Variants in TFB1M observed in about 807,000 individuals in gnomAD.
TFB1M encodes the protein dimethyladenosine transferase 1, mitochondrial.
In TFB1M, 27 loss-of-function variants were observed where a neutral mutation model predicts 31.1. The observed-to-expected ratio is 0.87, with a 90% CI of 0.64 to 1.20. The LOEUF (loss-of-function observed/expected upper bound fraction) is 1.20, where lower values mean the gene tolerates loss of function less well. TFB1M is among the 50% of genes most tolerant of loss of function. TFB1M has a pLI of 0.00. For synonymous variants in TFB1M, 166 were observed against 151.8 expected (o/e 1.09, Z -0.69); for missense variants, 394 against 418.7 (o/e 0.94, Z 0.51).
chr6:155,281,721 C>CAAAAAAAAAAA (rs1217317032), intron 5 of TFB1M, among the ~76,000 whole-genome samples: 1 of 63,236 alleles, frequency 1.6e-5, no homozygotes, highest in Non-Finnish European at 2.9e-5. Flanking sequence ...GACTCTGTCT[C>CAAAAAAAAAAA]AAAAAAAAAA....
intron 5 of TFB1M, among the ~76,000 whole-genome samples, chr6:155,275,335 G>A (rs561593394): frequency 5.3e-5 from 8 of 152,220 alleles, no homozygotes; most frequent in East Asian, 1.9e-4. Flanking sequence ...TCCTAACAAC[G>A]TACATGTCCA....
At chr6:155,306,173 G>C (rs924830880) in intron 2 of TFB1M, among the ~76,000 whole-genome samples, 2 of 152,112 alleles carry the variant, frequency 1.3e-5, no homozygotes, top group Non-Finnish European at 2.9e-5. Flanking sequence ...TCACTAGGAT[G>C]GCTAAAATTA....
At chr6:155,248,161 G>A in the TFB1M span, 33 of 1,613,750 alleles carry the variant, frequency 2.0e-5, no homozygotes, top group African/African-American at 4.0e-5. Flanking sequence ...GGAGAGCGAG[G>A]AGCACTACCA....
At chr6:155,263,042 C>T (rs970484307) in intron 5 of TFB1M, among the ~76,000 whole-genome samples, 1 of 152,128 alleles carries the variant, frequency 6.6e-6, no homozygotes, top group Non-Finnish European at 1.5e-5. Context: ...AACTCAGCGT[C>T]AACAAAGCTC....
chr6:155,251,997 G>A, downstream of TFB1M: 1 of 1,604,906 alleles, frequency 6.2e-7, no homozygotes, highest in South Asian at 1.1e-5. Flanking sequence ...AACTGAAAAA[G>A]AAATTGGTAA....
intron 4 of TFB1M, among the ~76,000 whole-genome samples, chr6:155,294,773 T>C (rs945855301): frequency 1.3e-5 from 2 of 152,202 alleles, no homozygotes; most frequent in Non-Finnish European, 2.9e-5. Context: ...TGGTGAAGAT[T>C]TGCAGTTCCA....
At chr6:155,254,258 C>A, downstream of TFB1M, 1 of 1,039,836 alleles carries the variant, frequency 9.6e-7, no homozygotes, top group Non-Finnish European at 1.4e-6. Context: ...GTGATCAATT[C>A]TCACCTCCTT....
At chr6:155,289,579 C>A (rs749820961) in intron 4 of TFB1M, among the ~76,000 whole-genome samples, 5 of 152,106 alleles carry the variant, frequency 3.3e-5, no homozygotes, top group Middle Eastern at 3.2e-3. Flanking sequence ...GTGCTAGAGA[C>A]AGGAATAAGA....
intron 5 of TFB1M, among the ~76,000 whole-genome samples, chr6:155,265,915 A>G (rs1444050448): frequency 2.0e-5 from 3 of 151,912 alleles, no homozygotes; most frequent in African/African-American, 7.3e-5. Flanking sequence ...TGGGAGTCCA[A>G]TGTTTGAGGA....
chr6:155,241,393 C>T, the TFB1M span, among the ~76,000 whole-genome samples: 3 of 152,156 alleles, frequency 2.0e-5, no homozygotes, highest in South Asian at 2.1e-4. Context: ...ACTGAAGCAG[C>T]GCGGCACGGT....
chr6:155,308,076 A>G (rs1777865885), intron 2 of TFB1M, among the ~76,000 whole-genome samples: 1 of 152,214 alleles, frequency 6.6e-6, no homozygotes, highest in Admixed American at 6.5e-5. Context: ...GGAAAAACCT[A>G]TCAAGGCCTC....
chr6:155,312,317 A>G (rs1778051186), intron 1 of TFB1M, among the ~76,000 whole-genome samples: 1 of 152,216 alleles, frequency 6.6e-6, no homozygotes, highest in South Asian at 2.1e-4. Context: ...CATCTTATCT[A>G]TTATGATGGA....
At chr6:155,277,955 T>A (rs183057997) in intron 5 of TFB1M, among the ~76,000 whole-genome samples, 1 of 152,334 alleles carries the variant, frequency 6.6e-6, no homozygotes, top group East Asian at 1.9e-4. Context: ...ATCTGCTATA[T>A]CATTCTATAT....
chr6:155,290,483 AG>A (rs1770988734), intron 4 of TFB1M, among the ~76,000 whole-genome samples: 1 of 152,062 alleles, frequency 6.6e-6, no homozygotes, highest in Non-Finnish European at 1.5e-5. Context: ...TGAAAATCAG[AG>A]GACCAGTGTT....
At chr6:155,287,154 T>C (rs533706692) in intron 4 of TFB1M, among the ~76,000 whole-genome samples, 50 of 151,796 alleles carry the variant, frequency 3.3e-4, no homozygotes, top group Middle Eastern at 3.4e-3. Context: ...TTGGAGGATA[T>C]CTGCAGCTAT....
chr6:155,307,619 A>G (rs1388912757), intron 2 of TFB1M, among the ~76,000 whole-genome samples: 1 of 152,172 alleles, frequency 6.6e-6, no homozygotes, highest in Admixed American at 6.5e-5. Context: ...GAGCCAAACC[A>G]TATCACAAAG....
chr6:155,242,296 ACCAC>A, the TFB1M span, among the ~76,000 whole-genome samples: 4 of 152,356 alleles, frequency 2.6e-5, no homozygotes, highest in Admixed American at 6.5e-5. Flanking sequence ...TCACACACAC[ACCAC>A]CGTTTCTTCA....
the TFB1M span, chr6:155,250,586 A>G: frequency 1.3e-6 from 2 of 1,535,896 alleles, no homozygotes; most frequent in Non-Finnish European, 1.7e-6. Flanking sequence ...TCCCAGGGGA[A>G]AGCTTACAAA....
In TFB1M at chr6:155,257,546, TA is replaced by T; in HGVS notation, c.*289del. 1 of 403,344 alleles carries T rather than the reference TA, an allele frequency of 2.5e-6. No homozygotes were observed. The highest frequency in any genetic ancestry group is 3.1e-5 in the South Asian group (1 of 32,590). 25.0% of individuals were successfully genotyped at this position (403,344 alleles called of 1,614,324 possible). ...ATATTTAAGTTATTTTAATGTGGTT[TA>T]GGGGCAAAATGTGCAGATACTTCAT... On this transcript the variant is annotated 3_prime_UTR_variant, in exon 7 of 7. Coordinates refer to ENST00000367166, the MANE Select transcript of TFB1M (RefSeq NM_016020.4).
Sources: gnomAD v4.1 joint callset for allele counts (sites outside exome capture counted in the v4.1 genomes callset) on GRCh38, gnomAD v4.1.1 for gene constraint, MANE v1.5 for transcripts, NCBI Gene and HGNC (gene_info 2026-07-23, HGNC 2026-07-21) for gene names.